Variants in SLC28A1 observed in about 807,000 individuals in gnomAD.
SLC28A1 encodes solute carrier family 28 member 1, also known as sodium/nucleoside cotransporter 1.
A neutral mutation model predicts 74.8 loss-of-function variants in SLC28A1; 64 were observed. The observed-to-expected ratio is 0.86, with a 90% CI of 0.70 to 1.05. The LOEUF is 1.05. SLC28A1 is among the 50% of genes least tolerant of loss of function. The pLI is 0.00. For synonymous variants in SLC28A1, 359 were observed against 335.0 expected (o/e 1.07, Z -0.78); for missense variants, 828 against 822.8 (o/e 1.01, Z -0.08).
At chr15:84,959,518 A>AT in the SLC28A1 span, among the ~76,000 whole-genome samples, 3 of 151,172 alleles carry the variant, frequency 2.0e-5, no homozygotes, top group Admixed American at 6.6e-5. Context: ...TTATCTTCGA[A>AT]TTTTTTTACC....
At chr15:84,903,787 A>G (rs565342805) in intron 6 of SLC28A1, among the ~76,000 whole-genome samples, 2 of 152,272 alleles carry the variant, frequency 1.3e-5, no homozygotes, top group South Asian at 4.1e-4. Context: ...GCTTGTCACT[A>G]TGCTCAGCTT....
the SLC28A1 span, among the ~76,000 whole-genome samples, chr15:84,953,314 G>A: frequency 6.6e-6 from 1 of 152,296 alleles, no homozygotes; most frequent in South Asian, 2.1e-4. Flanking sequence ...TCCGTAACTC[G>A]GTGAATCATC....
the SLC28A1 span, among the ~76,000 whole-genome samples, chr15:84,964,795 C>G: frequency 6.7e-6 from 1 of 149,110 alleles, no homozygotes; most frequent in East Asian, 2.0e-4. Context: ...AATCTTTCCA[C>G]AGAAGCCCCA....
chr15:84,887,435 AC>A, intron 2 of SLC28A1: 1 of 982,968 alleles, frequency 1.0e-6, no homozygotes, highest in Non-Finnish European at 1.2e-6. Flanking sequence ...TGTAATCCCA[AC>A]ACTTTGGGAG....
At chr15:84,967,198 C>T in the SLC28A1 span, among the ~76,000 whole-genome samples, 2 of 152,242 alleles carry the variant, frequency 1.3e-5, no homozygotes, top group South Asian at 4.1e-4. Context: ...TGTTGGAGAT[C>T]CGCTTTGTTA....
intron 12 of SLC28A1, among the ~76,000 whole-genome samples, chr15:84,931,630 C>A (rs183870296): frequency 9.5e-6 from 1 of 105,654 alleles, no homozygotes; most frequent in Non-Finnish European, 1.7e-5. Context: ...CCAGACTGGG[C>A]GACAGAGTGA....
At chr15:84,897,852 T>A (rs893870775) in intron 6 of SLC28A1, among the ~76,000 whole-genome samples, 1 of 152,372 alleles carries the variant, frequency 6.6e-6, no homozygotes, top group Admixed American at 6.5e-5. Flanking sequence ...ATGTACTTTT[T>A]AAGCTCCCAC....
chr15:84,912,611 G>A (rs918460361), intron 9 of SLC28A1, among the ~76,000 whole-genome samples: 3 of 152,056 alleles, frequency 2.0e-5, no homozygotes, highest in African/African-American at 7.2e-5. Context: ...TGACCCGGGA[G>A]CAGACTCTCA....
intron 7 of SLC28A1, among the ~76,000 whole-genome samples, chr15:84,904,850 T>C (rs1026433996): frequency 6.6e-6 from 1 of 152,092 alleles, no homozygotes; most frequent in African/African-American, 2.4e-5. Flanking sequence ...ACGCACCCAT[T>C]TGGGAGGGCC....
the SLC28A1 span, chr15:84,961,653 T>C: frequency 1.6e-5 from 6 of 367,824 alleles, no homozygotes; most frequent in East Asian, 4.1e-4. Context: ...GAGATAAATC[T>C]TGATGGTCGT....
chr15:84,914,168 T>C (rs1163662695), intron 9 of SLC28A1, among the ~76,000 whole-genome samples: 1 of 152,206 alleles, frequency 6.6e-6, no homozygotes, highest in Non-Finnish European at 1.5e-5. Context: ...GAGGCTGGTC[T>C]TGAACTCCTG....
chr15:84,952,607 C>T, the SLC28A1 span, among the ~76,000 whole-genome samples: 6 of 152,272 alleles, frequency 3.9e-5, no homozygotes, highest in Middle Eastern at 6.8e-3. Context: ...GAAAAGTCGC[C>T]GGGCACGGTG....
chr15:84,887,494 T>C (rs1394300813), intron 2 of SLC28A1: 5 of 980,334 alleles, frequency 5.1e-6, no homozygotes, highest in Non-Finnish European at 6.1e-6. Context: ...GGCCAGCCTG[T>C]GCAACACAGG....
intron 15 of SLC28A1, among the ~76,000 whole-genome samples, chr15:84,936,995 G>C (rs1331396770): frequency 6.6e-6 from 1 of 151,792 alleles, no homozygotes; most frequent in Non-Finnish European, 1.5e-5. Flanking sequence ...TGAGGCTGTA[G>C]TGAGCTAGGA....
intron 8 of SLC28A1, among the ~76,000 whole-genome samples, chr15:84,906,008 C>T (rs1322850408): frequency 7.2e-6 from 1 of 139,502 alleles, no homozygotes; most frequent in Non-Finnish European, 1.5e-5. Flanking sequence ...TGAAGTTATA[C>T]ATTTTTGTTC....
At chr15:84,943,026 A>T (rs1050732367) in intron 15 of SLC28A1, among the ~76,000 whole-genome samples, 1 of 152,086 alleles carries the variant, frequency 6.6e-6, no homozygotes, top group African/African-American at 2.4e-5. Flanking sequence ...CTCCGCTAAA[A>T]ATACAAAAAG....
At chr15:84,911,911 G>A (rs1968311905) in intron 9 of SLC28A1, among the ~76,000 whole-genome samples, 1 of 151,760 alleles carries the variant, frequency 6.6e-6, no homozygotes, top group South Asian at 2.1e-4. Flanking sequence ...TGTATCAGTG[G>A]TGGCAAAAAA....
At chr15:84,918,061 G>T (rs1280339751) in intron 9 of SLC28A1, among the ~76,000 whole-genome samples, 3 of 152,100 alleles carry the variant, frequency 2.0e-5, no homozygotes, top group Non-Finnish European at 1.5e-5. Flanking sequence ...AATGATGAGG[G>T]TCCCCTCATT....
chr15:84,904,946 C>T (rs528038355), intron 7 of SLC28A1, among the ~76,000 whole-genome samples: 21 of 152,326 alleles, frequency 1.4e-4, no homozygotes, highest in African/African-American at 5.1e-4. Context: ...ACCACCTTCC[C>T]CAGGCTACAG....
Sources: allele counts gnomAD v4.1 joint callset (sites outside exome capture counted in the v4.1 genomes callset), GRCh38; gene constraint gnomAD v4.1.1; transcripts MANE v1.5; gene names NCBI Gene and HGNC (gene_info 2026-07-23, HGNC 2026-07-21).